The following RIN2 variants were observed in gnomAD, a reference collection of about 807,000 sequenced individuals.
The protein encoded by RIN2 is Ras and Rab interactor 2, also known as RAB5 interacting protein 2.
A neutral mutation model predicts 78.0 loss-of-function variants in RIN2; 36 were observed. The observed-to-expected ratio is 0.46, with a 90% CI of 0.35 to 0.61. The LOEUF is 0.61. Among genes scored for constraint, RIN2 ranks in the 20% least tolerant of loss-of-function variants. The pLI, the probability that RIN2 is intolerant of heterozygous loss-of-function variation, is 0.00. For missense variants in RIN2, 1,087 were observed against 1,159.7 expected (o/e 0.94, Z 0.91); for synonymous variants, 466 against 466.8 (o/e 1.00, Z 0.02).
chr20:19,907,479 C>T (rs1003137955), intron 3 of RIN2, among the ~76,000 whole-genome samples: 54 of 152,204 alleles, frequency 3.5e-4, no homozygotes, highest in Admixed American at 2.7e-3. Flanking sequence ...GGTGCATTCT[C>T]ATCCTTCACT....
intron 10 of RIN2, among the ~76,000 whole-genome samples, chr20:19,991,328 A>G (rs961591252): frequency 6.6e-6 from 1 of 152,230 alleles, no homozygotes; most frequent in African/African-American, 2.4e-5. Context: ...TCCCCAAATA[A>G]TATCTGAATA....
chr20:19,865,634 C>T (rs1237034401), intron 2 of RIN2, among the ~76,000 whole-genome samples: 1 of 151,818 alleles, frequency 6.6e-6, no homozygotes, highest in African/African-American at 2.4e-5. Flanking sequence ...ACTATAGGCA[C>T]ACACCACCAG....
At chr20:19,832,421 C>A (rs866785035) in intron 2 of RIN2, among the ~76,000 whole-genome samples, 1 of 150,050 alleles carries the variant, frequency 6.7e-6, no homozygotes, top group Non-Finnish European at 1.5e-5. Flanking sequence ...CCCCACTGTC[C>A]CTCCCAGGGC....
At chr20:19,779,297 T>TA (rs2034416469) in intron 1 of RIN2, among the ~76,000 whole-genome samples, 33 of 137,402 alleles carry the variant, frequency 2.4e-4, no homozygotes, top group South Asian at 6.5e-4. Flanking sequence ...AAAGCACAGA[T>TA]TAAAAAAAAA....
chr20:19,956,081 A>G (rs1276444726), intron 4 of RIN2, among the ~76,000 whole-genome samples: 1 of 151,906 alleles, frequency 6.6e-6, no homozygotes, highest in Non-Finnish European at 1.5e-5. Context: ...ACATGGCGAC[A>G]CCCTATCTCT....
At chr20:19,764,925 T>TTTTTTG (rs1568731162) in intron 1 of RIN2, among the ~76,000 whole-genome samples, 2 of 114,392 alleles carry the variant, frequency 1.7e-5, no homozygotes, top group African/African-American at 7.6e-5. Context: ...TGCGTTTTTT[T>TTTTTTG]TTTTTTTTTT....
intron 2 of RIN2, among the ~76,000 whole-genome samples, chr20:19,825,738 G>T (rs1003936301): frequency 6.6e-6 from 1 of 152,214 alleles, no homozygotes; most frequent in African/African-American, 2.4e-5. Flanking sequence ...AACAAAAGAT[G>T]CTCTCACGTG....
At chr20:19,841,517 T>G (rs1026922376) in intron 2 of RIN2, among the ~76,000 whole-genome samples, 1 of 151,958 alleles carries the variant, frequency 6.6e-6, no homozygotes, top group African/African-American at 2.4e-5. Flanking sequence ...TGCTATAAAG[T>G]GTTCATGTTT....
intron 1 of RIN2, among the ~76,000 whole-genome samples, chr20:19,778,660 G>C (rs1282552675): frequency 6.6e-6 from 1 of 152,170 alleles, no homozygotes; most frequent in Non-Finnish European, 1.5e-5. Flanking sequence ...CAGACGCTGG[G>C]TAGGGAAAAC....
chr20:19,817,668 A>G (rs1459248377), intron 2 of RIN2, among the ~76,000 whole-genome samples: 1 of 152,244 alleles, frequency 6.6e-6, no homozygotes, highest in African/African-American at 2.4e-5. Context: ...TGATGAAACT[A>G]AAGACTGAAA....
At chr20:19,862,995 C>T (rs1384634317) in intron 2 of RIN2, among the ~76,000 whole-genome samples, 1 of 152,234 alleles carries the variant, frequency 6.6e-6, no homozygotes, top group South Asian at 2.1e-4. Flanking sequence ...CTACTTTTCT[C>T]TCTTCTTTCA....
At chr20:19,863,056 G>A (rs6136861) in intron 2 of RIN2, among the ~76,000 whole-genome samples, 1 of 152,126 alleles carries the variant, frequency 6.6e-6, no homozygotes, top group Admixed American at 6.5e-5. Context: ...GTTTACCTAA[G>A]GTGAGCGTTT....
At chr20:19,844,601 C>CCCTTCTTCTTCT (rs1555832162) in intron 2 of RIN2, among the ~76,000 whole-genome samples, 1 of 123,022 alleles carries the variant, frequency 8.1e-6, no homozygotes, top group Non-Finnish European at 1.7e-5. Context: ...CTGCTTCTTC[C>CCCTTCTTCTTCT]TCTTCTTCTT....
At chr20:19,946,139 T>A (rs1372947708) in intron 4 of RIN2, among the ~76,000 whole-genome samples, 2 of 152,146 alleles carry the variant, frequency 1.3e-5, no homozygotes, top group African/African-American at 4.8e-5. Flanking sequence ...TATTAATTCC[T>A]GCACAGGGCT....
chr20:19,782,535 G>A (rs1256792037), intron 1 of RIN2, among the ~76,000 whole-genome samples: 3 of 149,156 alleles, frequency 2.0e-5, no homozygotes, highest in South Asian at 2.1e-4. Flanking sequence ...CAGCCTGGGC[G>A]ACAGAGCGAG....
intron 3 of RIN2, among the ~76,000 whole-genome samples, chr20:19,930,307 G>T (rs2040392008): frequency 6.6e-6 from 1 of 152,196 alleles, no homozygotes; most frequent in African/African-American, 2.4e-5. Context: ...CTTGGCATGG[G>T]AGTGCCGCTA....
intron 6 of RIN2, 92 bp from the exon 7 acceptor site, chr20:19,964,860 T>C (rs573735241): frequency 1.9e-6 from 2 of 1,073,240 alleles, no homozygotes; most frequent in Non-Finnish European, 2.9e-6. Context: ...TTGAGAGTAC[T>C]CAGATGGTCC....
chr20:19,823,507 C>A, intron 2 of RIN2: 2 of 961,140 alleles, frequency 2.1e-6, no homozygotes, highest in Non-Finnish European at 3.3e-6. Flanking sequence ...ATGAGGGTGG[C>A]GGCCATCAAC....
At chr20:19,949,735 C>T (rs983660226) in intron 4 of RIN2, among the ~76,000 whole-genome samples, 3 of 152,174 alleles carry the variant, frequency 2.0e-5, no homozygotes, top group Non-Finnish European at 2.9e-5. Flanking sequence ...GGCTTCATAG[C>T]ATGCTTTGTC....
Sources: allele counts gnomAD v4.1 joint callset (sites outside exome capture counted in the v4.1 genomes callset), GRCh38; gene constraint gnomAD v4.1.1; transcripts MANE v1.5; gene names NCBI Gene and HGNC (gene_info 2026-07-23, HGNC 2026-07-21).